The following PLCE1 variants were observed in gnomAD, a reference collection of about 807,000 sequenced individuals.
PLCE1 encodes the protein 1-phosphatidylinositol 4,5-bisphosphate phosphodiesterase epsilon-1.
A neutral mutation model predicts 242.8 loss-of-function variants in PLCE1; 119 were observed. The ratio of observed to expected loss-of-function variants is 0.49; its 90% CI spans 0.42 to 0.57. The LOEUF is 0.57. Ranked by LOEUF, PLCE1 falls within the 20% of genes least tolerant of loss-of-function variation. The pLI is 0.00. For synonymous variants in PLCE1, 945 were observed against 1,017.4 expected, an observed-to-expected ratio of 0.93 and a Z score of 1.35; for missense variants, 2,441 against 2,788.8, an observed-to-expected ratio of 0.88 and a Z score of 2.81.
chr10:94,056,973 T>A (rs1337336065), intron 2 of PLCE1, among the ~76,000 whole-genome samples: 1 of 152,226 alleles, frequency 6.6e-6, no homozygotes, highest in Admixed American at 6.5e-5. Context: ...TTACAGCATA[T>A]GTTAGTACTT....
chr10:94,266,132 G>A (rs922089283), intron 16 of PLCE1, among the ~76,000 whole-genome samples, 174 bp downstream of exon 16: 13 of 152,122 alleles, frequency 8.5e-5, no homozygotes, highest in Admixed American at 7.2e-4. Context: ...TACAGCAGTC[G>A]TTTTCTTTAC....
At chr10:94,321,786 T>G (rs2053814116) in intron 29 of PLCE1, 115 bp from the exon 30 acceptor site, 3 of 736,686 alleles carry the variant, frequency 4.1e-6, no homozygotes, top group Non-Finnish European at 7.0e-6. Flanking sequence ...ATATGAGATA[T>G]TAAGCTAAGA....
At chr10:94,196,655 C>T (rs2048832296) in intron 4 of PLCE1, among the ~76,000 whole-genome samples, 1 of 152,038 alleles carries the variant, frequency 6.6e-6, no homozygotes, top group Non-Finnish European at 1.5e-5. Context: ...TAAAAAAAGA[C>T]TTTGAGAGAG....
chr10:94,207,387 ATACT>A (rs1463094246), intron 4 of PLCE1, among the ~76,000 whole-genome samples: 3 of 152,234 alleles, frequency 2.0e-5, no homozygotes, highest in African/African-American at 7.2e-5. Context: ...GTTGGAAATG[ATACT>A]TACAAACACA....
Position 94,283,808 on chromosome 10 carries a change from G to T in PLCE1, c.4814G>T (p.Arg1605Ile). ...TTTTCAGACAACATTCTGGAAGACAGACCTGAAAATAAATCATGTAATGAC... is the reference window on the plus strand; with the variant it reads ...TTTTCAGACAACATTCTGGAAGACATACCTGAAAATAAATCATGTAATGAC... ...SLSDDNILED[R>I]PENKSCNDKL... is the part of the protein sequence containing the mutation. Residue 1605 changes from arginine to isoleucine, a missense_variant, in exon 21 of 33, where the codon AGA becomes ATA. By Grantham distance (97) the Arg-to-Ile change is moderately conservative (BLOSUM62 -3). Coordinates refer to ENST00000371380, the MANE Select transcript of PLCE1 (RefSeq NM_016341.4). 2 of 1,611,872 alleles carry T rather than the reference G, an allele frequency of 1.2e-6. No individual in the cohort carries two copies. The highest frequency in any genetic ancestry group is 2.2e-5 in the South Asian group (2 of 90,884).
chr10:94,030,837 A>G lies in PLCE1; in HGVS notation c.-210A>G. On this transcript the variant is annotated 5_prime_UTR_variant, in exon 2 of 33. The change abolishes the stop of an existing upstream ORF in the 5' untranslated region. Transcript: ENST00000371380. ...ATCTACCACCTTAAAACCCTGATCT[A>G]GAAAAAATATATATTCATGATAGGA... 1.7e-6 allele frequency: 1 copy of G among 585,878 alleles called. No homozygotes were observed. The highest frequency in any genetic ancestry group is 3.0e-6 in the Non-Finnish European group (1 of 334,648). 36.3% of individuals were successfully genotyped at this position (585,878 alleles called of 1,614,324 possible).
chr10:94,271,468 C>T (rs1435074027), intron 18 of PLCE1, among the ~76,000 whole-genome samples: 1 of 151,816 alleles, frequency 6.6e-6, no homozygotes, highest in Admixed American at 6.6e-5. Flanking sequence ...GCGCCCACCA[C>T]CACGTCTGGC....
rs781323532 is a variant in PLCE1 at position 94,324,435 on chromosome 10, C to T, written c.6588C>T (p.Asp2196=). 6.2e-7 allele frequency: 1 copy of T among 1,614,158 alleles called. No homozygotes were observed. The highest frequency in any genetic ancestry group is 1.1e-5 in the South Asian group (1 of 91,086). ...DYVLLEEVVK[D]TTNKKTTTPK... is the part of the protein sequence containing the mutation. The stretch of plus-strand genomic sequence containing the variant: ...TGCTTTTGGAAGAGGTGGTGAAAGA[C>T]ACTACCAACAAGAAGACTACCACAC... Residue 2196 remains aspartate, a synonymous_variant, in exon 31 of 33, where the codon GAC becomes GAT. Transcript: ENST00000371380.
intron 3 of PLCE1, among the ~76,000 whole-genome samples, chr10:94,154,854 C>T (rs894692363): frequency 6.7e-6 from 1 of 149,944 alleles, no homozygotes; most frequent in Non-Finnish European, 1.5e-5. Flanking sequence ...GCCTAGTCAA[C>T]GTGGCAAGAC....
intron 8 of PLCE1, among the ~76,000 whole-genome samples, chr10:94,251,814 G>A (rs2050886011): frequency 2.6e-5 from 4 of 152,086 alleles, no homozygotes; most frequent in Admixed American, 2.6e-4. Context: ...GCTCCCTGGG[G>A]CCCTTCAAAG....
At chr10:94,108,646 C>A (rs1376217223) in intron 2 of PLCE1, 1 of 152,216 alleles carries the variant, frequency 6.6e-6, no homozygotes, top group African/African-American at 2.4e-5. Flanking sequence ...CCCTCCACCC[C>A]CTGCTTCCCC....
intron 1 of PLCE1, among the ~76,000 whole-genome samples, chr10:94,018,830 T>C (rs559217616): frequency 6.6e-6 from 1 of 152,322 alleles, no homozygotes; most frequent in East Asian, 1.9e-4. Context: ...GTAGAAATGT[T>C]AAGAATCATT....
chr10:94,043,686 T>C (rs1008374001), intron 2 of PLCE1, among the ~76,000 whole-genome samples: 1 of 152,202 alleles, frequency 6.6e-6, no homozygotes, highest in African/African-American at 2.4e-5. Flanking sequence ...TCTAAATTGT[T>C]TAATAGCAAA....
chr10:94,005,999 A>G (rs1564619496), intron 1 of PLCE1, among the ~76,000 whole-genome samples: 2 of 152,214 alleles, frequency 1.3e-5, no homozygotes, highest in South Asian at 2.1e-4. Flanking sequence ...GGTTGTACAA[A>G]TGGGAATTCC....
At chr10:94,222,181 A>G (rs1444095984) in intron 4 of PLCE1, among the ~76,000 whole-genome samples, 1 of 152,172 alleles carries the variant, frequency 6.6e-6, no homozygotes, top group African/African-American at 2.4e-5. Flanking sequence ...CAAATATAAC[A>G]AAAATAAACC....
At chr10:94,305,428 C>T (rs2053167812) in intron 25 of PLCE1, among the ~76,000 whole-genome samples, 1 of 152,190 alleles carries the variant, frequency 6.6e-6, no homozygotes, top group African/African-American at 2.4e-5. Context: ...GAGTGAGACT[C>T]CGTTTCAACA....
At chr10:94,205,495 C>T (rs1348530030) in intron 4 of PLCE1, among the ~76,000 whole-genome samples, 1 of 152,176 alleles carries the variant, frequency 6.6e-6, no homozygotes, top group Non-Finnish European at 1.5e-5. Flanking sequence ...GCAGCCCTGT[C>T]ACTTAGACAT....
intron 3 of PLCE1, among the ~76,000 whole-genome samples, chr10:94,163,834 TC>T (rs1220234767): frequency 6.6e-6 from 1 of 152,228 alleles, no homozygotes; most frequent in Non-Finnish European, 1.5e-5. Flanking sequence ...CTTCAGGAGC[TC>T]TTTTAGGGTA....
At chr10:94,240,809 T>G (rs2050481452) in intron 7 of PLCE1, among the ~76,000 whole-genome samples, 1 of 152,182 alleles carries the variant, frequency 6.6e-6, no homozygotes, top group Non-Finnish European at 1.5e-5. Flanking sequence ...TCTTCTATTT[T>G]TACTCCTTGG....
Sources: gnomAD v4.1 joint callset for allele counts (sites outside exome capture counted in the v4.1 genomes callset) on GRCh38, gnomAD v4.1.1 for gene constraint, MANE v1.5 for transcripts, NCBI Gene and HGNC (gene_info 2026-07-23, HGNC 2026-07-21) for gene names.